AP3D1: variants seen among roughly 807,000 people sequenced by gnomAD.
The protein encoded by AP3D1 is adaptor related protein complex 3 subunit delta 1, also known as AP-3 complex subunit delta-1.
In AP3D1, 51 loss-of-function variants were observed where a neutral mutation model predicts 147.6. The observed-to-expected ratio is 0.35, with a 90% CI of 0.28 to 0.44. The LOEUF is 0.44. AP3D1 is among the 20% of genes least tolerant of loss of function. The pLI, the probability that AP3D1 is intolerant of heterozygous loss-of-function variation, is 1.00. For missense variants in AP3D1, 1,421 were observed against 1,624.2 expected (o/e 0.87, Z 2.15); for synonymous variants, 760 against 663.0 (o/e 1.15, Z -2.25).
intron 2 of AP3D1, 43 bp downstream of exon 2, chr19:2,138,576 G>A (rs199810087): frequency 5.9e-5 from 85 of 1,440,846 alleles, no homozygotes; most frequent in Non-Finnish European, 7.7e-5. Context: ...GAGTGGAGAA[G>A]CAGCCCGACA....
chr19:2,107,177 A>C (rs968637477), intron 31 of AP3D1, among the ~76,000 whole-genome samples: 3 of 151,254 alleles, frequency 2.0e-5, no homozygotes, highest in Non-Finnish European at 4.4e-5. Flanking sequence ...GCAGAATGGC[A>C]TGAGCCCGGG....
At position 2,114,190 on chromosome 19, in the gene AP3D1, T is replaced by C. The variant is rs2018370919; in HGVS notation, c.2536A>G (p.Lys846Glu). Residue 846 changes from lysine (K) to glutamate (E), a missense_variant, in exon 22 of 32, where the codon AAG (lysine) becomes GAG (glutamate). Coordinates refer to ENST00000643116, the MANE Select transcript of AP3D1 (RefSeq NM_001261826.3). Reference protein sequence around the residue: ...MVEKKSKKPKKKEKKHKEKER... With the variant: ...MVEKKSKKPKEKEKKHKEKER... ...TTCTCTTTGTGTTTTTTCTCTTTCTTCTTGGGTTTCTTGCTCTTCTTTTCT... is the reference window on the plus strand; with the variant it reads ...TTCTCTTTGTGTTTTTTCTCTTTCTCCTTGGGTTTCTTGCTCTTCTTTTCT... The C allele has an allele frequency of 6.2e-7, 1 of 1,607,554 alleles. No homozygotes were observed. Among genetic ancestry groups the C allele is most frequent in the Non-Finnish European group, 8.5e-7 (1 of 1,176,830 alleles).
chr19:2,109,976 T>A lies in AP3D1; in HGVS notation c.3265-18A>T, dbSNP rs748569899. ...TCGTCATTCTGCGGTGGAGTGAAGG[T>A]GGTGCAGTTGAGAGGGGAGTCGGGC... On this transcript the variant is annotated intron_variant, in intron 28 of 31. Coordinates refer to ENST00000643116, the MANE Select transcript of AP3D1 (RefSeq NM_001261826.3). 1 of 1,612,672 alleles carries A rather than the reference T, an allele frequency of 6.2e-7. No individual in the cohort carries two copies.
intron 1 of AP3D1, among the ~76,000 whole-genome samples, chr19:2,142,755 GTT>G (rs11311779): frequency 2.0e-3 from 297 of 145,604 alleles, no homozygotes; most frequent in African/African-American, 6.6e-3. Flanking sequence ...GGTTTTTTCT[GTT>G]TTTTTTTTTT....
At chr19:2,121,445 AG>A in intron 12 of AP3D1, 134 bp from the exon 13 acceptor site, 1 of 1,231,272 alleles carries the variant, frequency 8.1e-7, no homozygotes, top group South Asian at 1.4e-5. Flanking sequence ...GATGCCAGGG[AG>A]GCAGCAGGCC....
At chr19:2,115,195 A>G in intron 20 of AP3D1, 24 bp downstream of exon 20, 1 of 1,604,474 alleles carries the variant, frequency 6.2e-7, no homozygotes, top group South Asian at 1.1e-5. Flanking sequence ...ACATCCTAGG[A>G]CCGGGACCTC....
At chr19:2,102,834 G>A (rs2017997229) in intron 31 of AP3D1, among the ~76,000 whole-genome samples, 1 of 152,106 alleles carries the variant, frequency 6.6e-6, no homozygotes, top group Non-Finnish European at 1.5e-5. Flanking sequence ...TGTAATCCCA[G>A]CTACTTGGGA....
In AP3D1 at chr19:2,102,217, T is replaced by C; in HGVS notation, c.3604A>G (p.Ser1202Gly). The change falls in exon 32 of 32, where the codon AGC becomes GGC. Residue 1202 changes from serine to glycine, a missense_variant. This residue lies in a region of AP3D1 where 17 missense variants were observed against 17.5 expected (regional missense o/e 0.97). Transcript: ENST00000643116. Reference protein sequence around the residue: ...DGKCSDSTLLSNLLEEMKATL... With the variant: ...DGKCSDSTLLGNLLEEMKATL... ...GCCTTCATCTCTTCTAACAAGTTGC[T>C]CAGTAGCGTGGAGTCACTGCACTTC... 6.2e-7 allele frequency: 1 copy of C among 1,614,078 alleles called. No individual in the cohort carries two copies. The highest frequency in any genetic ancestry group is 1.1e-5 in the South Asian group (1 of 91,082).
intron 27 of AP3D1, among the ~76,000 whole-genome samples, 162 bp from the exon 28 acceptor site, chr19:2,110,386 C>T (rs984278014): frequency 6.6e-6 from 1 of 152,116 alleles, no homozygotes; most frequent in African/African-American, 2.4e-5. Context: ...CAAGAGGCTA[C>T]TGGTGTCCCT....
chr19:2,156,074 AG>A (rs950336590), upstream of AP3D1, among the ~76,000 whole-genome samples: 5 of 151,712 alleles, frequency 3.3e-5, no homozygotes, highest in African/African-American at 9.7e-5. Context: ...AAAAGAAAAA[AG>A]AAAAAGGAAG....
At chr19:2,108,362 G>A (rs544018596) in intron 31 of AP3D1, among the ~76,000 whole-genome samples, 4 of 152,386 alleles carry the variant, frequency 2.6e-5, no homozygotes, top group Middle Eastern at 3.4e-3. Context: ...GCAGCAGTGA[G>A]AGGTGGAGAG....
Position 2,109,668 on chromosome 19 carries a change from C to T in AP3D1, c.3350+205G>A, listed in dbSNP as rs17604924. 0.13 allele frequency: 78,684 copies of T among 587,832 alleles called. 6,013 individuals are homozygous for T. The highest frequency in any genetic ancestry group is 0.16 in the Non-Finnish European group (51,349 of 328,058). The allele number at this position is 587,832 out of a possible 1,614,324, so 36.4% of individuals were successfully genotyped here. Reference sequence around the variant, plus strand: ...CAGGGGCCTGGACCTCTATGGGTGACGCTGCCTGGCCTGTGGCTTCAACTA... The same window carrying T: ...CAGGGGCCTGGACCTCTATGGGTGATGCTGCCTGGCCTGTGGCTTCAACTA... On this transcript the variant is annotated intron_variant, in intron 29 of 31. Coordinates refer to ENST00000643116, the MANE Select transcript of AP3D1 (RefSeq NM_001261826.3).
At position 2,123,789 on chromosome 19, in the gene AP3D1, C is replaced by T. The variant is rs751456540; in HGVS notation, c.906+41G>A. On this transcript the variant is annotated intron_variant, in intron 10 of 31. Coordinates refer to ENST00000643116, the MANE Select transcript of AP3D1 (RefSeq NM_001261826.3). The stretch of plus-strand genomic sequence containing the variant: ...CGCCTGTGGAAAGGTGTGGCCTCTG[C>T]AGTGTGGGACCCCATGGGCCCCGCC... 5 of 1,550,808 alleles carry T rather than the reference C, an allele frequency of 3.2e-6. No homozygotes were observed. The African/African-American group carries it at 5.5e-5, about 17-fold the overall frequency.
upstream of AP3D1, among the ~76,000 whole-genome samples, chr19:2,152,468 A>G (rs1385523159): frequency 6.6e-6 from 1 of 152,094 alleles, no homozygotes; most frequent in Non-Finnish European, 1.5e-5. Context: ...CCTTGAAACC[A>G]GAAGGCAGAG....
At chr19:2,108,407 G>A (rs945070164) in intron 31 of AP3D1, among the ~76,000 whole-genome samples, 3 of 152,230 alleles carry the variant, frequency 2.0e-5, no homozygotes, top group African/African-American at 7.2e-5. Context: ...TTGTGCACAG[G>A]GGTGGGGTGG....
chr19:2,124,560 G>A lies in AP3D1; in HGVS notation c.857-681C>T, dbSNP rs369405603. ...CAGTGGCATGGAATGAAGGTGTACA[G>A]GAGACCGTGTGTGCGTGTGCGTGTG... On this transcript the variant is annotated intron_variant, in intron 9 of 31. Coordinates refer to ENST00000643116, the MANE Select transcript of AP3D1 (RefSeq NM_001261826.3). Among the ~76,000 whole-genome samples the A allele has an allele frequency of 6.2e-4, 95 of 152,298 alleles. 3 individuals carry two copies. In the East Asian group the frequency reaches 0.014, roughly 23 times the overall value.
At chr19:2,122,644 C>T (rs1166825869) in intron 11 of AP3D1, among the ~76,000 whole-genome samples, 1 of 152,234 alleles carries the variant, frequency 6.6e-6, no homozygotes, top group South Asian at 2.1e-4. Flanking sequence ...TAACTAAGAA[C>T]AGAACAACCA....
intron 18 of AP3D1, among the ~76,000 whole-genome samples, chr19:2,115,935 G>A (rs1037963514): frequency 1.3e-5 from 2 of 152,284 alleles, no homozygotes; most frequent in Non-Finnish European, 2.9e-5. Context: ...CAAGCCCAGA[G>A]TGAGGCAGCA....
exon 1 of AP3D1, chr19:2,164,385 A>T: frequency 3.3e-6 from 2 of 597,280 alleles, no homozygotes; most frequent in Non-Finnish European, 4.7e-6. Flanking sequence ...GAGACCCTGG[A>T]CTCCACTGTC....
Sources: allele counts gnomAD v4.1 joint callset (sites outside exome capture counted in the v4.1 genomes callset), GRCh38; gene constraint gnomAD v4.1.1; regional missense constraint gnomAD v4.1.1; transcripts MANE v1.5; gene names NCBI Gene and HGNC (gene_info 2026-07-23, HGNC 2026-07-21).